Variants in HECW1 observed in about 807,000 individuals in gnomAD.
The protein encoded by HECW1 is HECT, C2 and WW domain containing E3 ubiquitin protein ligase 1.
In HECW1, 61 loss-of-function variants were observed where a neutral mutation model predicts 182.3. That is an observed-to-expected ratio of 0.33 (90% CI 0.27 to 0.41). HECW1 has a LOEUF of 0.41. Ranked by LOEUF, HECW1 falls within the 10% of genes least tolerant of loss-of-function variation. The probability of loss-of-function intolerance (pLI) is 1.00; values close to 1 mark genes in which losing one functional copy is unlikely to be tolerated. For missense variants in HECW1, 1,739 were observed against 2,108.9 expected, an observed-to-expected ratio of 0.82 and a Z score of 3.44; for synonymous variants, 859 against 832.6, an observed-to-expected ratio of 1.03 and a Z score of -0.55.
chr7:43,228,025 T>C (rs1197696114), intron 2 of HECW1, among the ~76,000 whole-genome samples: 1 of 152,234 alleles, frequency 6.6e-6, no homozygotes, highest in Admixed American at 6.5e-5. Context: ...TACCTCTATC[T>C]GGCTGGGAAG....
intron 19 of HECW1, among the ~76,000 whole-genome samples, chr7:43,498,639 T>C (rs932040119): frequency 2.6e-5 from 4 of 152,236 alleles, no homozygotes; most frequent in Middle Eastern, 3.4e-3. Flanking sequence ...ACATGTTCCC[T>C]GCTAAATGAC....
chr7:43,381,341 G>T (rs1281167040), intron 6 of HECW1, among the ~76,000 whole-genome samples: 1 of 152,062 alleles, frequency 6.6e-6, no homozygotes, highest in Non-Finnish European at 1.5e-5. Flanking sequence ...ACTTCTTGGA[G>T]GCAAGAGTCT....
chr7:43,525,229 G>T (rs931583477), intron 24 of HECW1, among the ~76,000 whole-genome samples: 1 of 152,120 alleles, frequency 6.6e-6, no homozygotes, highest in African/African-American at 2.4e-5. Flanking sequence ...TTTTAGGCTT[G>T]ACTCTAAGTA....
At chr7:43,477,883 A>T (rs1176093377) in intron 16 of HECW1, among the ~76,000 whole-genome samples, 2 of 152,214 alleles carry the variant, frequency 1.3e-5, no homozygotes, top group African/African-American at 4.8e-5. Flanking sequence ...TTTGTCAGGT[A>T]AACCTAAAAA....
At chr7:43,487,725 G>A (rs1013613702) in intron 17 of HECW1, among the ~76,000 whole-genome samples, 4 of 151,218 alleles carry the variant, frequency 2.6e-5, no homozygotes, top group Non-Finnish European at 5.9e-5. Context: ...TGGGAGGCAG[G>A]GCAGGAGGAT....
chr7:43,488,440 GAA>G (rs1303130958), intron 17 of HECW1, among the ~76,000 whole-genome samples: 2 of 121,156 alleles, frequency 1.7e-5, no homozygotes, highest in East Asian at 2.5e-4. Flanking sequence ...GAAAGAGAAA[GAA>G]AGAAAGAAAG....
chr7:43,436,579 C>T (rs1278201079), intron 8 of HECW1, among the ~76,000 whole-genome samples: 1 of 151,984 alleles, frequency 6.6e-6, no homozygotes, highest in East Asian at 1.9e-4. Flanking sequence ...ACAAGGTGCT[C>T]AGTGGGGGAG....
intron 3 of HECW1, among the ~76,000 whole-genome samples, chr7:43,266,602 G>A (rs1282579056): frequency 6.6e-6 from 1 of 152,180 alleles, no homozygotes; most frequent in Non-Finnish European, 1.5e-5. Context: ...CCAAAGTGCT[G>A]GGATTACAGG....
In HECW1 at chr7:43,325,572, C is replaced by A. The variant is rs113429370; in HGVS notation, c.460+4830C>A. ...GTGTGTCTGGACTGACCTCTGATTA[C>A]AGCAAAAAGAGACCACTGCCAAAGG... is the stretch of plus-strand genomic sequence containing the variant. On this transcript the variant is annotated intron_variant, in intron 5 of 29. Coordinates refer to ENST00000395891, the MANE Select transcript of HECW1 (RefSeq NM_015052.5). 1.1e-4 allele frequency among the ~76,000 whole-genome samples: 16 copies of A among 152,302 alleles called. 1 individual carries two copies. The South Asian group carries it at 3.3e-3, about 32-fold the overall frequency.
intron 7 of HECW1, among the ~76,000 whole-genome samples, chr7:43,400,842 A>G (rs2075380782): frequency 6.6e-6 from 1 of 152,230 alleles, no homozygotes; most frequent in African/African-American, 2.4e-5. Context: ...TCAAGCTGTC[A>G]GCCAGGCTGG....
chr7:43,169,839 A>C (rs1791500724), intron 2 of HECW1, among the ~76,000 whole-genome samples: 1 of 151,484 alleles, frequency 6.6e-6, no homozygotes, highest in African/African-American at 2.4e-5. Flanking sequence ...AACACATCTC[A>C]TCTTCCTCCT....
chr7:43,400,507 C>T (rs1053479588), intron 7 of HECW1, among the ~76,000 whole-genome samples: 1 of 152,046 alleles, frequency 6.6e-6, no homozygotes, highest in South Asian at 2.1e-4. Flanking sequence ...ATTAAAAAGT[C>T]GAAGACTATA....
At chr7:43,197,237 G>A (rs1361328730) in intron 2 of HECW1, among the ~76,000 whole-genome samples, 1 of 152,084 alleles carries the variant, frequency 6.6e-6, no homozygotes, top group Non-Finnish European at 1.5e-5. Context: ...TCTTCTTTTG[G>A]GGGTATGGGT....
intron 3 of HECW1, among the ~76,000 whole-genome samples, chr7:43,270,653 ACT>A (rs1478897217): frequency 6.6e-6 from 1 of 152,036 alleles, no homozygotes; most frequent in Non-Finnish European, 1.5e-5. Flanking sequence ...GCTGGCAAAA[ACT>A]CTACCAAAAC....
chr7:43,224,513 T>C (rs1797254143), intron 2 of HECW1, among the ~76,000 whole-genome samples: 1 of 152,158 alleles, frequency 6.6e-6, no homozygotes, highest in Non-Finnish European at 1.5e-5. Context: ...ACAAAGACTG[T>C]GCCATGTGAA....
At chr7:43,114,525 T>A in intron 2 of HECW1, 134 bp downstream of exon 2, 1 of 781,180 alleles carries the variant, frequency 1.3e-6, no homozygotes, top group Non-Finnish European at 1.8e-6. Flanking sequence ...TAGAATTCCC[T>A]GTTGGTAGAA....
At chr7:43,295,528 A>G (rs531491797) in intron 3 of HECW1, among the ~76,000 whole-genome samples, 1 of 151,902 alleles carries the variant, frequency 6.6e-6, no homozygotes, top group Admixed American at 6.6e-5. Context: ...AGAAGGTCCC[A>G]CTCCCCAGGG....
At chr7:43,351,330 G>A (rs1276896795) in intron 5 of HECW1, among the ~76,000 whole-genome samples, 1 of 152,184 alleles carries the variant, frequency 6.6e-6, no homozygotes, top group East Asian at 1.9e-4. Flanking sequence ...CTCTATTTTT[G>A]TACTGGTTGG....
intron 3 of HECW1, 58 bp from the exon 4 acceptor site, chr7:43,311,705 A>C: frequency 1.3e-6 from 2 of 1,506,268 alleles, no homozygotes; most frequent in Non-Finnish European, 1.8e-6. Context: ...TCGTGTGATG[A>C]CGGTGACTGA....
Sources: allele counts gnomAD v4.1 joint callset (sites outside exome capture counted in the v4.1 genomes callset), GRCh38; gene constraint gnomAD v4.1.1; transcripts MANE v1.5; gene names NCBI Gene and HGNC (gene_info 2026-07-23, HGNC 2026-07-21).